The following TNR variants were observed in gnomAD, a reference collection of about 807,000 sequenced individuals.
The protein encoded by TNR is tenascin-R.
Under a neutral mutation model 150.4 loss-of-function variants are expected in TNR, and 45 were observed. The observed-to-expected ratio is 0.30, with a 90% CI of 0.24 to 0.38. The LOEUF is 0.38. Ranked by LOEUF, TNR falls within the 10% of genes least tolerant of loss-of-function variation. The pLI is 1.00. For synonymous variants in TNR, 687 were observed against 678.4 expected, an observed-to-expected ratio of 1.01 and a Z score of -0.20; for missense variants, 1,544 against 1,759.1, an observed-to-expected ratio of 0.88 and a Z score of 2.19.
chr1:175,324,168 C>G (rs888761529), intron 22 of TNR, among the ~76,000 whole-genome samples, 188 bp downstream of exon 22: 1 of 152,196 alleles, frequency 6.6e-6, no homozygotes. Context: ...TGGGTCCTTT[C>G]CTTTCCTTCC....
intron 1 of TNR, among the ~76,000 whole-genome samples, chr1:175,529,780 T>G (rs1182002737): frequency 6.6e-6 from 1 of 152,188 alleles, no homozygotes; most frequent in Non-Finnish European, 1.5e-5. Context: ...CTGACCTTTC[T>G]TTTCCTCATC....
chr1:175,363,974 G>A, intron 12 of TNR, 147 bp from the exon 13 acceptor site: 2 of 984,062 alleles, frequency 2.0e-6, no homozygotes, highest in South Asian at 3.9e-5. Flanking sequence ...TTAAAACCAT[G>A]GTCACGCTGA....
At chr1:175,686,233 C>T (rs1666196508) in intron 1 of TNR, among the ~76,000 whole-genome samples, 1 of 152,182 alleles carries the variant, frequency 6.6e-6, no homozygotes, top group Admixed American at 6.5e-5. Context: ...TAGTTAATTC[C>T]CCCAAGTTCA....
chr1:175,390,781 C>T (rs1653132845), intron 7 of TNR, among the ~76,000 whole-genome samples: 1 of 152,258 alleles, frequency 6.6e-6, no homozygotes, highest in South Asian at 2.1e-4. Context: ...CACTCACTCT[C>T]ATCAGCACAG....
At chr1:175,480,692 A>G (rs898842484) in intron 2 of TNR, among the ~76,000 whole-genome samples, 8 of 152,218 alleles carry the variant, frequency 5.3e-5, no homozygotes, top group African/African-American at 1.9e-4. Flanking sequence ...TAAGAGGCTC[A>G]CCTGAAATCG....
intron 2 of TNR, among the ~76,000 whole-genome samples, chr1:175,497,666 C>T (rs1658544633): frequency 6.6e-6 from 1 of 152,120 alleles, no homozygotes; most frequent in African/African-American, 2.4e-5. Flanking sequence ...TCTGGGACTC[C>T]CTGGGGCTCA....
At chr1:175,665,878 T>C (rs1226884483) in intron 1 of TNR, among the ~76,000 whole-genome samples, 1 of 152,170 alleles carries the variant, frequency 6.6e-6, no homozygotes, top group Admixed American at 6.5e-5. Context: ...GGGACAGGTA[T>C]GTCTGAGTCT....
At chr1:175,501,724 T>G (rs909114886) in intron 2 of TNR, among the ~76,000 whole-genome samples, 1 of 152,240 alleles carries the variant, frequency 6.6e-6, no homozygotes, top group African/African-American at 2.4e-5. Context: ...TTTCCTTTCT[T>G]GCTTCCTTCC....
Position 175,331,055 on chromosome 1 carries a change from T to G in TNR, c.3632-820A>C, listed in dbSNP as rs537345766. ...TTTCTTTCTTTCTTTCTTTCTTTCT[T>G]TCTTTCTTTCTTTCTTTCTTTCCTT... On this transcript the variant is annotated intron_variant, in intron 20 of 22. Coordinates refer to ENST00000367674, the MANE Select transcript of TNR (RefSeq NM_003285.3). Among the ~76,000 whole-genome samples the G allele has an allele frequency of 1.6e-4, 19 of 117,252 alleles. 1 individual carries two copies. Among genetic ancestry groups the G allele is most frequent in the African/African-American group, 6.0e-4 (18 of 30,118 alleles). 76.9% of individuals were successfully genotyped at this position (117,252 alleles called of 152,430 possible). A position where few individuals can be genotyped will look rare whatever the true frequency, so the allele number is the denominator to read the frequency against.
intron 3 of TNR, among the ~76,000 whole-genome samples, chr1:175,405,639 G>A (rs1257263627): frequency 6.6e-6 from 1 of 151,840 alleles, no homozygotes; most frequent in Non-Finnish European, 1.5e-5. Context: ...GTGTGTGTGT[G>A]TGTGTGTGTG....
chr1:175,513,608 A>G (rs950581708), intron 2 of TNR, among the ~76,000 whole-genome samples: 2 of 152,198 alleles, frequency 1.3e-5, no homozygotes, highest in Non-Finnish European at 2.9e-5. Flanking sequence ...AAGTAACATC[A>G]TCAAATATCA....
intron 1 of TNR, among the ~76,000 whole-genome samples, chr1:175,589,159 AC>A (rs1209576208): frequency 2.6e-5 from 4 of 152,132 alleles, no homozygotes; most frequent in Admixed American, 2.0e-4. Context: ...TGAGATCGAA[AC>A]CAAGCAACTG....
At chr1:175,367,607 C>T (rs1239512947) in intron 9 of TNR, among the ~76,000 whole-genome samples, 1 of 152,100 alleles carries the variant, frequency 6.6e-6, no homozygotes, top group Non-Finnish European at 1.5e-5. Context: ...GTATGCTTAG[C>T]GTCTCAGGTT....
intron 1 of TNR, among the ~76,000 whole-genome samples, chr1:175,634,717 T>G (rs1034544209): frequency 2.6e-5 from 4 of 152,142 alleles, no homozygotes; most frequent in Admixed American, 2.6e-4. Context: ...GGCATGGAAA[T>G]GGAAAATGAC....
At chr1:175,675,880 G>A (rs568384407) in intron 1 of TNR, among the ~76,000 whole-genome samples, 196 of 152,194 alleles carry the variant, frequency 1.3e-3, no homozygotes, top group Non-Finnish European at 2.5e-3. Context: ...GTGACTCTAG[G>A]CAATGAAAGA....
intron 1 of TNR, among the ~76,000 whole-genome samples, chr1:175,560,664 T>A (rs747005374): frequency 2.6e-5 from 4 of 152,268 alleles, no homozygotes; most frequent in Non-Finnish European, 4.4e-5. Context: ...TCTATAATGA[T>A]CAGTATCAAA....
In TNR at chr1:175,387,850, T is replaced by C. The variant is rs558455034; in HGVS notation, c.1508-1549A>G. The stretch of plus-strand genomic sequence containing the variant: ...TTTCAAGGTTGAGCCTTTCCCTGGG[T>C]ACCCCTCCCTCTTTCCGGGTCTTAG... On this transcript the variant is annotated intron_variant, in intron 7 of 22. Transcript: ENST00000367674. Among the ~76,000 whole-genome samples, 18 of 152,320 alleles carry C rather than the reference T, an allele frequency of 1.2e-4. 1 individual carries two copies. In the South Asian group the frequency reaches 3.7e-3, roughly 32 times the overall value.
intron 3 of TNR, 86 bp downstream of exon 3, chr1:175,406,130 G>T (rs374710313): frequency 3.3e-6 from 5 of 1,512,068 alleles, no homozygotes; most frequent in Non-Finnish European, 8.8e-7. Flanking sequence ...CGCTGGAAGT[G>T]CATTGGTCCT....
intron 2 of TNR, among the ~76,000 whole-genome samples, chr1:175,421,135 T>C (rs541207725): frequency 3.5e-4 from 54 of 152,160 alleles, no homozygotes; most frequent in South Asian, 1.0e-3. Flanking sequence ...ATGGGTTGAG[T>C]CTGCAGCTGA....
Sources: allele counts gnomAD v4.1 joint callset (sites outside exome capture counted in the v4.1 genomes callset), GRCh38; gene constraint gnomAD v4.1.1; transcripts MANE v1.5; gene names NCBI Gene and HGNC (gene_info 2026-07-23, HGNC 2026-07-21).